The following NELL1 variants were observed in gnomAD, a reference collection of about 807,000 sequenced individuals.
The protein encoded by NELL1 is protein kinase C-binding protein NELL1.
A neutral mutation model predicts 107.4 loss-of-function variants in NELL1; 76 were observed. The observed-to-expected ratio is 0.71, with a 90% CI of 0.59 to 0.86. The LOEUF (loss-of-function observed/expected upper bound fraction) is 0.86. Ranked by LOEUF, NELL1 falls within the 40% of genes least tolerant of loss-of-function variation. The pLI is 0.00. For synonymous variants in NELL1, 353 were observed against 341.2 expected (o/e 1.03, Z -0.38); for missense variants, 1,024 against 1,005.5 (o/e 1.02, Z -0.25).
At chr11:21,518,112 T>C (rs1281212497) in intron 15 of NELL1, among the ~76,000 whole-genome samples, 2 of 145,022 alleles carry the variant, frequency 1.4e-5, no homozygotes, top group African/African-American at 5.0e-5. Flanking sequence ...AATTTTCTCA[T>C]CTTAATTTCT....
intron 5 of NELL1, among the ~76,000 whole-genome samples, chr11:20,904,431 G>C (rs1340052884): frequency 6.6e-6 from 1 of 152,056 alleles, no homozygotes; most frequent in Admixed American, 6.6e-5. Context: ...GTTAATTTAA[G>C]AAAACATTTC....
intron 14 of NELL1, among the ~76,000 whole-genome samples, chr11:21,285,160 A>T (rs1017297609): frequency 5.9e-5 from 9 of 152,300 alleles, no homozygotes; most frequent in South Asian, 4.1e-4. Context: ...TGCCATAAAA[A>T]TTTTTTGTTT....
At chr11:20,975,853 CAT>C (rs1389664577) in intron 12 of NELL1, among the ~76,000 whole-genome samples, 9 of 128,720 alleles carry the variant, frequency 7.0e-5, no homozygotes, top group Admixed American at 8.2e-5. Flanking sequence ...ATTATATATA[CAT>C]ATATGTGTAT....
chr11:21,107,566 C>T (rs969853401), intron 12 of NELL1, among the ~76,000 whole-genome samples: 5 of 152,076 alleles, frequency 3.3e-5, no homozygotes, highest in African/African-American at 9.7e-5. Flanking sequence ...GAGATGTCAA[C>T]GCAGTTGACA....
At chr11:20,781,862 C>G (rs1448158696) in intron 2 of NELL1, among the ~76,000 whole-genome samples, 1 of 105,516 alleles carries the variant, frequency 9.5e-6, no homozygotes, top group Non-Finnish European at 1.8e-5. Context: ...AACCCTGTCT[C>G]TACCAAAAAT....
Position 21,357,119 on chromosome 11 carries a change from C to T in NELL1, c.1550-13734C>T, listed in dbSNP as rs371374215. Among the ~76,000 whole-genome samples, 4 of 152,220 alleles carry T rather than the reference C, an allele frequency of 2.6e-5. No individual in the cohort carries two copies. In the East Asian group the frequency reaches 5.8e-4, roughly 22 times the overall value. On this transcript the variant is annotated intron_variant, in intron 14 of 19. Coordinates refer to ENST00000357134, the MANE Select transcript of NELL1 (RefSeq NM_006157.5). ...AATTGTGCTGCTCTAAACATGTGTG[C>T]GCAGGTGTCTTTTTCATAAAGTGAC...
At chr11:20,807,561 T>A (rs1302419142) in intron 3 of NELL1, among the ~76,000 whole-genome samples, 1 of 152,186 alleles carries the variant, frequency 6.6e-6, no homozygotes, top group African/African-American at 2.4e-5. Flanking sequence ...GCTGCCTATG[T>A]TTGCTGAAGG....
At chr11:21,008,036 G>A (rs1852366788) in intron 12 of NELL1, among the ~76,000 whole-genome samples, 1 of 152,066 alleles carries the variant, frequency 6.6e-6, no homozygotes, top group South Asian at 2.1e-4. Context: ...TCAATTTATG[G>A]TAGGGTAAAT....
At chr11:21,034,417 C>G (rs1230601287) in intron 12 of NELL1, among the ~76,000 whole-genome samples, 2 of 152,182 alleles carry the variant, frequency 1.3e-5, no homozygotes, top group African/African-American at 4.8e-5. Context: ...AACCACAGAA[C>G]TCTCTACCCA....
intron 2 of NELL1, among the ~76,000 whole-genome samples, chr11:20,762,304 A>C (rs911428667): frequency 3.3e-5 from 5 of 152,174 alleles, no homozygotes; most frequent in Non-Finnish European, 5.9e-5. Context: ...TTTAGATAAA[A>C]GCCTGTCCCA....
intron 3 of NELL1, among the ~76,000 whole-genome samples, chr11:20,785,473 C>T (rs1643973561): frequency 6.6e-6 from 1 of 152,206 alleles, no homozygotes; most frequent in African/African-American, 2.4e-5. Flanking sequence ...CCCTACCTTG[C>T]CCTATTGGCC....
intron 2 of NELL1, among the ~76,000 whole-genome samples, chr11:20,723,733 G>A (rs192372592): frequency 8.4e-6 from 1 of 119,512 alleles, no homozygotes; most frequent in Non-Finnish European, 1.6e-5. Flanking sequence ...GGGACTCTGT[G>A]GGGGGGGGCT....
intron 14 of NELL1, among the ~76,000 whole-genome samples, chr11:21,318,180 A>G (rs573548753): frequency 6.6e-6 from 1 of 152,306 alleles, no homozygotes; most frequent in East Asian, 1.9e-4. Context: ...ATAGCATAGC[A>G]TGCTCTTTCT....
chr11:21,510,114 G>A (rs1855395967), intron 15 of NELL1, among the ~76,000 whole-genome samples: 1 of 152,226 alleles, frequency 6.6e-6, no homozygotes, highest in South Asian at 2.1e-4. Flanking sequence ...CTTCAGGACT[G>A]TAGGGTAGGC....
chr11:21,046,531 A>G (rs1853357742), intron 12 of NELL1, among the ~76,000 whole-genome samples: 1 of 152,078 alleles, frequency 6.6e-6, no homozygotes, highest in South Asian at 2.1e-4. Flanking sequence ...AATTTATGTT[A>G]TGTCCGACTT....
At chr11:21,258,570 A>G (rs955948807) in intron 14 of NELL1, among the ~76,000 whole-genome samples, 3 of 151,948 alleles carry the variant, frequency 2.0e-5, no homozygotes, top group Non-Finnish European at 4.4e-5. Context: ...TCTTATTTGT[A>G]GGAAGGTTAG....
chr11:20,942,434 G>C (rs905969876), intron 10 of NELL1, among the ~76,000 whole-genome samples: 2 of 152,130 alleles, frequency 1.3e-5, no homozygotes, highest in African/African-American at 4.8e-5. Flanking sequence ...GGGCTTTAAT[G>C]ATCTCTTGAC....
At position 20,815,614 on chromosome 11, in the gene NELL1, G is replaced by A. The variant is rs559373088; in HGVS notation, c.335+31784G>A. On this transcript the variant is annotated intron_variant, in intron 3 of 19. Coordinates refer to ENST00000357134, the MANE Select transcript of NELL1 (RefSeq NM_006157.5). Reference sequence around the variant, plus strand: ...TCCCATTCTGTAGGTTGTCTTTTACGCTGTTAATAGTTTATCTTGCTGTGC... The same window carrying A: ...TCCCATTCTGTAGGTTGTCTTTTACACTGTTAATAGTTTATCTTGCTGTGC... Among the ~76,000 whole-genome samples, 13 of 152,126 alleles carry A rather than the reference G, an allele frequency of 8.5e-5. No individual in the cohort carries two copies. In the South Asian group the frequency reaches 1.5e-3, roughly 17 times the overall value.
intron 15 of NELL1, among the ~76,000 whole-genome samples, chr11:21,502,366 T>C (rs1036096355): frequency 6.6e-6 from 1 of 152,162 alleles, no homozygotes; most frequent in African/African-American, 2.4e-5. Flanking sequence ...CCCGTGATCT[T>C]TTCATTGCAA....
Sources: allele counts gnomAD v4.1 joint callset (sites outside exome capture counted in the v4.1 genomes callset), GRCh38; gene constraint gnomAD v4.1.1; transcripts MANE v1.5; gene names NCBI Gene and HGNC (gene_info 2026-07-23, HGNC 2026-07-21).